Variants in ADAMTSL1 observed in about 807,000 individuals in gnomAD.
ADAMTSL1 encodes ADAMTS like 1.
ADAMTSL1 carries 126 observed loss-of-function variants against 201.8 expected under a neutral mutation model. The ratio of observed to expected loss-of-function variants is 0.62; its 90% CI spans 0.54 to 0.72. ADAMTSL1 has a LOEUF of 0.72. Among genes scored for constraint, ADAMTSL1 ranks in the 30% least tolerant of loss-of-function variants. ADAMTSL1 has a pLI of 0.00. For synonymous variants in ADAMTSL1, 1,121 were observed against 903.4 expected, an observed-to-expected ratio of 1.24 and a Z score of -4.32; for missense variants, 2,679 against 2,277.8, an observed-to-expected ratio of 1.18 and a Z score of -3.59.
intron 1 of ADAMTSL1, among the ~76,000 whole-genome samples, chr9:18,028,064 C>G (rs1350013316): frequency 2.0e-5 from 3 of 152,044 alleles, no homozygotes; most frequent in South Asian, 2.1e-4. Flanking sequence ...TTTGTGTAAT[C>G]TTTCTCCATT....
At chr9:18,606,784 A>T (rs1474857943) in intron 4 of ADAMTSL1, among the ~76,000 whole-genome samples, 3 of 152,076 alleles carry the variant, frequency 2.0e-5, no homozygotes, top group Non-Finnish European at 4.4e-5. Flanking sequence ...TTTCTTATTT[A>T]TTGCCTCTTC....
At chr9:18,385,610 T>A (rs1436186269) in intron 2 of ADAMTSL1, among the ~76,000 whole-genome samples, 1 of 152,150 alleles carries the variant, frequency 6.6e-6, no homozygotes, top group African/African-American at 2.4e-5. Flanking sequence ...CATACAAGAG[T>A]TCCAAAAGCT....
At chr9:18,525,016 G>A (rs1818946018) in intron 2 of ADAMTSL1, among the ~76,000 whole-genome samples, 1 of 152,216 alleles carries the variant, frequency 6.6e-6, no homozygotes, top group Non-Finnish European at 1.5e-5. Context: ...AGAAGGAATG[G>A]TACCAGCTCC....
At chr9:18,563,987 C>G (rs970314434) in intron 3 of ADAMTSL1, among the ~76,000 whole-genome samples, 3 of 152,170 alleles carry the variant, frequency 2.0e-5, no homozygotes. Flanking sequence ...CCACTTGGCT[C>G]CCTGGCTTCG....
chr9:18,795,255 T>C, intron 19 of ADAMTSL1, 142 bp from the exon 20 acceptor site: 3 of 1,072,180 alleles, frequency 2.8e-6, no homozygotes, highest in Non-Finnish European at 4.0e-6. Flanking sequence ...AGGTTCTTGA[T>C]TGTCCTTGTA....
At chr9:18,553,995 A>G (rs1453447162) in intron 3 of ADAMTSL1, among the ~76,000 whole-genome samples, 2 of 151,896 alleles carry the variant, frequency 1.3e-5, no homozygotes, top group South Asian at 4.1e-4. Context: ...CACATTTCTT[A>G]GTCTGTTATT....
intron 20 of ADAMTSL1, among the ~76,000 whole-genome samples, chr9:18,813,831 A>G (rs1463752367): frequency 6.6e-6 from 1 of 152,220 alleles, no homozygotes; most frequent in African/African-American, 2.4e-5. Flanking sequence ...TGGTTTGGCT[A>G]AGACTTGCAG....
chr9:18,295,464 G>A (rs1459733390), intron 2 of ADAMTSL1, among the ~76,000 whole-genome samples: 1 of 151,818 alleles, frequency 6.6e-6, no homozygotes, highest in Non-Finnish European at 1.5e-5. Context: ...TCAGCCTCCT[G>A]AGTAGCTGGG....
chr9:18,751,092 A>G (rs1287136692), intron 15 of ADAMTSL1, among the ~76,000 whole-genome samples: 1 of 152,224 alleles, frequency 6.6e-6, no homozygotes, highest in Non-Finnish European at 1.5e-5. Context: ...CCCATACTCA[A>G]GACTTCACCT....
At chr9:18,185,102 C>T (rs183254070) in intron 2 of ADAMTSL1, among the ~76,000 whole-genome samples, 1 of 152,112 alleles carries the variant, frequency 6.6e-6, no homozygotes, top group African/African-American at 2.4e-5. Context: ...AAAGTAGCCC[C>T]TATGATCCTC....
chr9:18,659,512 C>T (rs1828925789), intron 8 of ADAMTSL1, among the ~76,000 whole-genome samples: 2 of 152,194 alleles, frequency 1.3e-5, no homozygotes, highest in African/African-American at 4.8e-5. Context: ...CGCCTGTAAT[C>T]CCAGCACTTT....
intron 20 of ADAMTSL1, among the ~76,000 whole-genome samples, chr9:18,814,199 T>A (rs962864630): frequency 3.9e-5 from 6 of 152,216 alleles, no homozygotes; most frequent in African/African-American, 1.4e-4. Context: ...TTTGTTGATC[T>A]GCGTATGTTG....
intron 2 of ADAMTSL1, among the ~76,000 whole-genome samples, chr9:18,356,711 G>C (rs966081556): frequency 6.6e-6 from 1 of 151,690 alleles, no homozygotes; most frequent in African/African-American, 2.4e-5. Context: ...TATAACCAAA[G>C]TCAGGATGCA....
intron 2 of ADAMTSL1, among the ~76,000 whole-genome samples, chr9:18,339,665 A>C (rs1459684683): frequency 6.6e-6 from 1 of 152,080 alleles, no homozygotes; most frequent in Non-Finnish European, 1.5e-5. Flanking sequence ...TTTGTTGCCC[A>C]GGTCAGTCTT....
intron 21 of ADAMTSL1, among the ~76,000 whole-genome samples, chr9:18,825,029 T>C (rs539581518): frequency 1.2e-3 from 187 of 152,252 alleles, no homozygotes; most frequent in Non-Finnish European, 2.2e-3. Context: ...CCTGGATACA[T>C]GCCAGTGAGT....
intron 2 of ADAMTSL1, among the ~76,000 whole-genome samples, chr9:18,452,329 A>G (rs990034287): frequency 2.6e-5 from 4 of 152,202 alleles, no homozygotes; most frequent in Admixed American, 2.0e-4. Context: ...TTAAAAGTTC[A>G]ACCTCTCAAC....
chr9:17,952,902 C>T (rs935177620), intron 1 of ADAMTSL1, among the ~76,000 whole-genome samples: 2 of 145,716 alleles, frequency 1.4e-5, no homozygotes, highest in Non-Finnish European at 3.0e-5. Context: ...AGCAGTTTCT[C>T]TCTCTTCCTC....
chr9:18,350,595 T>C (rs994721618), intron 2 of ADAMTSL1, among the ~76,000 whole-genome samples: 17 of 152,190 alleles, frequency 1.1e-4, no homozygotes, highest in Admixed American at 2.0e-4. Flanking sequence ...GGGGTGTTCT[T>C]GACTCCACAC....
At position 18,337,712 on chromosome 9, in the gene ADAMTSL1, T is replaced by A. The variant is rs535618535; in HGVS notation, c.208-167117T>A. ...TCTTCACCTCATAGGCTAAATGTAA[T>A]TAATGAACAAGTTTTTGTATGTTGA... On this transcript the variant is annotated intron_variant, in intron 2 of 29. Coordinates refer to the ADAMTSL1 transcript ENST00000680146. Among the ~76,000 whole-genome samples the A allele has an allele frequency of 2.0e-5, 3 of 152,310 alleles. No homozygotes were observed. The South Asian group carries it at 6.2e-4, about 32-fold the overall frequency.
Sources: allele counts gnomAD v4.1 joint callset (sites outside exome capture counted in the v4.1 genomes callset), GRCh38; gene constraint gnomAD v4.1.1; transcripts MANE v1.5; gene names NCBI Gene and HGNC (gene_info 2026-07-23, HGNC 2026-07-21).